Variants in RNF175 observed in about 807,000 individuals in gnomAD.
The protein encoded by RNF175 is ring finger protein 175.
RNF175 carries 38 observed loss-of-function variants against 50.0 expected under a neutral mutation model. That is an observed-to-expected ratio of 0.76 (90% confidence interval 0.59 to 1.00). The LOEUF is 1.00. RNF175 is among the 50% of genes least tolerant of loss of function. RNF175 has a pLI of 0.00. For missense variants in RNF175, 388 were observed against 409.6 expected (o/e 0.95, Z 0.46); for synonymous variants, 155 against 146.1 (o/e 1.06, Z -0.44).
chr4:153,713,202 G>A (rs763038002), intron 7 of RNF175: 1 of 152,136 alleles, frequency 6.6e-6, no homozygotes, highest in East Asian at 1.9e-4. Context: ...TCCTGGTCCA[G>A]AAAGTCTGAC....
chr4:153,733,431 T>TCC (rs1739156806), intron 3 of RNF175, among the ~76,000 whole-genome samples: 2 of 152,188 alleles, frequency 1.3e-5, no homozygotes, highest in African/African-American at 2.4e-5. Context: ...GTAACCTGGC[T>TCC]CCCACTAGCT....
At chr4:153,753,171 C>G (rs1740381677) in intron 1 of RNF175, among the ~76,000 whole-genome samples, 1 of 152,168 alleles carries the variant, frequency 6.6e-6, no homozygotes, top group African/African-American at 2.4e-5. Context: ...CACCAGCATG[C>G]GGGCAGTGCA....
At chr4:153,742,982 T>A (rs554828024) in intron 3 of RNF175, among the ~76,000 whole-genome samples, 7 of 152,264 alleles carry the variant, frequency 4.6e-5, no homozygotes, top group African/African-American at 1.7e-4. Flanking sequence ...CAATAGCTAG[T>A]CTTATACATG....
At chr4:153,744,315 G>A (rs1309848120) in intron 3 of RNF175, among the ~76,000 whole-genome samples, 2 of 152,022 alleles carry the variant, frequency 1.3e-5, no homozygotes, top group African/African-American at 2.4e-5. Flanking sequence ...TCAGCTACTC[G>A]GGAGGCTGAG....
chr4:153,738,044 T>C (rs1739441355), intron 3 of RNF175, among the ~76,000 whole-genome samples: 1 of 152,170 alleles, frequency 6.6e-6, no homozygotes, highest in Non-Finnish European at 1.5e-5. Flanking sequence ...CATTATGTAA[T>C]GCCCTTTCTT....
rs116143653 is a variant in RNF175 at position 153,741,246 on chromosome 4, G to T, written c.246+7399C>A. 5.2e-3 allele frequency among the ~76,000 whole-genome samples: 785 copies of T among 152,288 alleles called. 7 individuals are homozygous for T. The highest frequency in any genetic ancestry group is 0.016 in the African/African-American group (675 of 41,566). The stretch of plus-strand genomic sequence containing the variant: ...TTTCTCTCCCCTCATATTGGATGAG[G>T]CTCTGATCAATCTTTTCCCTTGCTG... On this transcript the variant is annotated intron_variant, in intron 3 of 8. Coordinates refer to ENST00000347063, the MANE Select transcript of RNF175 (RefSeq NM_173662.4).
chr4:153,758,308 G>C (rs1314574602), intron 1 of RNF175, among the ~76,000 whole-genome samples: 2 of 152,204 alleles, frequency 1.3e-5, no homozygotes, highest in Non-Finnish European at 2.9e-5. Context: ...CAGTGGGTCT[G>C]GCGTGGGAAC....
chr4:153,718,180 G>T (rs1253651589), intron 6 of RNF175, among the ~76,000 whole-genome samples: 1 of 147,906 alleles, frequency 6.8e-6, no homozygotes, highest in Non-Finnish European at 1.5e-5. Flanking sequence ...GGTTTTGGAT[G>T]GCTTAATAGC....
At chr4:153,717,011 C>T (rs1455338580) in intron 6 of RNF175, among the ~76,000 whole-genome samples, 2 of 152,180 alleles carry the variant, frequency 1.3e-5, no homozygotes, top group East Asian at 3.8e-4. Flanking sequence ...ATGTAATCAT[C>T]ACAACCTCGT....
At chr4:153,755,667 CG>C (rs1480269000) in intron 1 of RNF175, among the ~76,000 whole-genome samples, 17 of 126,224 alleles carry the variant, frequency 1.3e-4, no homozygotes, top group Admixed American at 5.3e-4. Flanking sequence ...CCCCCACCCC[CG>C]CAAAAAAAAT....
chr4:153,710,425 G>T lies in RNF175; in HGVS notation c.931C>A (p.Gln311Lys), dbSNP rs1375355316. Reference sequence around the variant, plus strand: ...TGAACTATTCCTATCACCACAGGTTGCCAGGCCACCAAATAACGAAGCCAA... The same window carrying T: ...TGAACTATTCCTATCACCACAGGTTTCCAGGCCACCAAATAACGAAGCCAA... ...LDWLRYLVAWQPVVIGIVQGI... is the reference protein window; with the variant it reads ...LDWLRYLVAWKPVVIGIVQGI... The change falls in exon 9 of 9, where the codon CAA (glutamine) becomes AAA (lysine). Residue 311 changes from glutamine (Q) to lysine (K), a missense_variant. Gln to Lys is a moderately conservative substitution (Grantham distance 53, BLOSUM62 1). Transcript: ENST00000347063. The T allele has an allele frequency of 1.3e-6, 2 of 1,588,058 alleles. No individual in the cohort carries two copies. The highest frequency in any genetic ancestry group is 1.7e-6 in the Non-Finnish European group (2 of 1,165,352).
At chr4:153,711,808 G>C (rs1052301910) in intron 8 of RNF175, among the ~76,000 whole-genome samples, 5 of 152,118 alleles carry the variant, frequency 3.3e-5, no homozygotes, top group Non-Finnish European at 7.3e-5. Context: ...ACCTTCCTGC[G>C]ACCTTAATGT....
chr4:153,716,136 G>A (rs1414564518), intron 6 of RNF175, among the ~76,000 whole-genome samples: 1 of 151,214 alleles, frequency 6.6e-6, no homozygotes, highest in Non-Finnish European at 1.5e-5. Context: ...ACCGTTTCCT[G>A]TAAGAAGAAT....
At chr4:153,716,252 C>G (rs965918697) in intron 6 of RNF175, among the ~76,000 whole-genome samples, 4 of 152,144 alleles carry the variant, frequency 2.6e-5, no homozygotes, top group Non-Finnish European at 5.9e-5. Context: ...ATTGAGGAAT[C>G]CTTTCACAGG....
chr4:153,733,574 A>G (rs1416180478), intron 3 of RNF175, among the ~76,000 whole-genome samples: 1 of 152,174 alleles, frequency 6.6e-6, no homozygotes, highest in East Asian at 1.9e-4. Flanking sequence ...CCTTCATCTT[A>G]CAGACTCTGC....
intron 1 of RNF175, among the ~76,000 whole-genome samples, chr4:153,754,125 G>A (rs1048051100): frequency 2.6e-5 from 3 of 115,854 alleles, no homozygotes; most frequent in Admixed American, 8.5e-5. Context: ...AGCTGAGATC[G>A]CGCCACTGCA....
chr4:153,722,622 A>G (rs1016537225), intron 5 of RNF175, among the ~76,000 whole-genome samples: 11 of 152,084 alleles, frequency 7.2e-5, no homozygotes, highest in Non-Finnish European at 1.2e-4. Context: ...ATTTCGAAGC[A>G]CTCACTTTTT....
chr4:153,715,496 T>A, intron 7 of RNF175, 33 bp downstream of exon 7: 1 of 1,555,652 alleles, frequency 6.4e-7, no homozygotes, highest in Non-Finnish European at 8.7e-7. Context: ...GGAGGCTTGA[T>A]GAAGCCCAAA....
intron 3 of RNF175, among the ~76,000 whole-genome samples, chr4:153,736,345 A>G (rs1739351168): frequency 1.3e-5 from 2 of 152,216 alleles, no homozygotes; most frequent in African/African-American, 4.8e-5. Context: ...CATTTTATAC[A>G]TTGTTGGATT....
Sources: gnomAD v4.1 joint callset for allele counts (sites outside exome capture counted in the v4.1 genomes callset) on GRCh38, gnomAD v4.1.1 for gene constraint, MANE v1.5 for transcripts, NCBI Gene and HGNC (gene_info 2026-07-23, HGNC 2026-07-21) for gene names.